TNFRSF13B: variants seen among roughly 807,000 people sequenced by gnomAD.
TNFRSF13B encodes tumor necrosis factor receptor superfamily member 13B.
In TNFRSF13B, 34 loss-of-function variants were observed where a neutral mutation model predicts 24.0. That is an observed-to-expected ratio of 1.41 (90% CI 1.08 to 1.88). The LOEUF (loss-of-function observed/expected upper bound fraction) is 1.88, where lower values mean the gene tolerates loss of function less well. Among genes scored for constraint, TNFRSF13B ranks in the 40% most tolerant of loss-of-function variants. The pLI is 0.00. For missense variants in TNFRSF13B, 415 were observed against 380.8 expected (o/e 1.09, Z -0.75); for synonymous variants, 173 against 150.3 (o/e 1.15, Z -1.10).
At chr17:16,946,831 G>A (rs558545817) in intron 3 of TNFRSF13B, among the ~76,000 whole-genome samples, 3 of 151,992 alleles carry the variant, frequency 2.0e-5, no homozygotes, top group Non-Finnish European at 4.4e-5. Context: ...CAAGTGATCC[G>A]CCTGCCTCTG....
In TNFRSF13B at chr17:16,972,071, C is replaced by T. The variant is rs2087749412; in HGVS notation, c.5G>A (p.Ser2Asn). 1 of 1,614,022 alleles carries T rather than the reference C, an allele frequency of 6.2e-7. No individual in the cohort carries two copies. Among genetic ancestry groups the T allele is most frequent in the African/African-American group, 1.3e-5 (1 of 75,066 alleles). ...ACCTCGCCTGCTCCGGCCCAGGCCA[C>T]TCATTACTCAGGATGCTTATTACTA... M[S>N]GLGRSRRGGR... is the part of the protein sequence containing the mutation. The change falls in exon 1 of 5, where the codon AGT becomes AAT. Residue 2 changes from serine to asparagine, a missense_variant. Ser to Asn is a conservative substitution (Grantham distance 46, BLOSUM62 1). Transcript: ENST00000261652.
At position 16,952,548 on chromosome 17, in the gene TNFRSF13B, A is replaced by ATC. The variant is rs1303637368; in HGVS notation, c.95_96dup (p.Ser33AspfsTer52). The ATC allele has an allele frequency of 1.9e-6, 3 of 1,614,092 alleles. No individual in the cohort carries two copies. Among genetic ancestry groups the ATC allele is most frequent in the Non-Finnish European group, 2.5e-6 (3 of 1,180,028 alleles). Reference sequence around the variant, plus strand: ...TCCCAGTACTGCTCTTCGGGGCAGGATCTCATAGCCACCCCCGTCCACAGG... The same window carrying ATC: ...TCCCAGTACTGCTCTTCGGGGCAGGATCTCTCATAGCCACCCCCGTCCACAGG... On this transcript the variant is annotated frameshift_variant, in exon 2 of 5. Coordinates refer to ENST00000261652, the MANE Select transcript of TNFRSF13B (RefSeq NM_012452.3). LOFTEE classifies it high-confidence loss of function.
chr17:16,952,486 A>G lies in TNFRSF13B; in HGVS notation c.159T>C (p.Ile53=). Residue 53 remains isoleucine (I), a synonymous_variant, in exon 2 of 5, where the codon ATT becomes ATC. Coordinates refer to ENST00000261652, the MANE Select transcript of TNFRSF13B (RefSeq NM_012452.3). ...LLGTCMSCKT[I]CNHQSQRTCA... is the part of the protein sequence containing the mutation. Reference sequence around the variant, plus strand: ...AGGTGCGCTGGCTCTGATGGTTGCAAATGGTTTTGCAGGACATGCAGGTAC... The same window carrying G: ...AGGTGCGCTGGCTCTGATGGTTGCAGATGGTTTTGCAGGACATGCAGGTAC... 6.2e-7 allele frequency: 1 copy of G among 1,614,166 alleles called. No individual in the cohort carries two copies. Among genetic ancestry groups the G allele is most frequent in the South Asian group, 1.1e-5 (1 of 91,080 alleles).
At chr17:16,955,523 A>G (rs2087618633) in intron 1 of TNFRSF13B, among the ~76,000 whole-genome samples, 1 of 152,224 alleles carries the variant, frequency 6.6e-6, no homozygotes, top group Non-Finnish European at 1.5e-5. Flanking sequence ...GAGACAAAAG[A>G]TAGGAGATTA....
At chr17:16,946,933 T>C (rs1433135045) in intron 3 of TNFRSF13B, among the ~76,000 whole-genome samples, 2 of 152,236 alleles carry the variant, frequency 1.3e-5, no homozygotes, top group Non-Finnish European at 2.9e-5. Flanking sequence ...GTTAATGAAC[T>C]ACTTAAACAT....
At chr17:16,954,429 G>A (rs1654079297) in intron 1 of TNFRSF13B, among the ~76,000 whole-genome samples, 1 of 152,144 alleles carries the variant, frequency 6.6e-6, no homozygotes. Context: ...ATTTAACACG[G>A]CAGCTTAAAC....
At chr17:16,967,770 A>AAAAAAAAAAAAAAAAAAAAAG (rs1567657178) in intron 1 of TNFRSF13B, among the ~76,000 whole-genome samples, 1 of 146,606 alleles carries the variant, frequency 6.8e-6, no homozygotes, top group African/African-American at 2.6e-5. Context: ...AAAAAAAAAA[A>AAAAAAAAAAAAAAAAAAAAAG]AAGAAAGAAA....
intron 3 of TNFRSF13B, among the ~76,000 whole-genome samples, chr17:16,943,583 C>A (rs1269040583): frequency 6.6e-6 from 1 of 152,194 alleles, no homozygotes; most frequent in Non-Finnish European, 1.5e-5. Context: ...ACAGAGAGCT[C>A]TCCCCACAGC....
At chr17:16,958,825 GAC>G (rs2087642514) in intron 1 of TNFRSF13B, among the ~76,000 whole-genome samples, 2 of 151,942 alleles carry the variant, frequency 1.3e-5, no homozygotes, top group African/African-American at 4.8e-5. Flanking sequence ...AACAAAAATT[GAC>G]AGAGTTGAAG....
chr17:16,939,951 C>T, intron 4 of TNFRSF13B, 154 bp from the exon 5 acceptor site: 1 of 1,165,718 alleles, frequency 8.6e-7, no homozygotes, highest in Non-Finnish European at 1.2e-6. Flanking sequence ...CCGCCAGTTG[C>T]TGACCAGAAC....
At position 16,948,929 on chromosome 17, in the gene TNFRSF13B, T is replaced by C. The variant is rs1170456533; in HGVS notation, c.254A>G (p.Asp85Gly). 6.2e-7 allele frequency: 1 copy of C among 1,614,070 alleles called. No individual in the cohort carries two copies. Among genetic ancestry groups the C allele is most frequent in the African/African-American group, 1.3e-5 (1 of 74,918 alleles). ...ACAGATGGAGGCACAGCTGATGCAG[T>C]CCCTCAGGAGATGGTCATAGAACTT... ...QGKFYDHLLRDCISCASICGQ... is the reference protein window; with the variant it reads ...QGKFYDHLLRGCISCASICGQ... Residue 85 changes from aspartate (D) to glycine (G), a missense_variant, in exon 3 of 5, where the codon GAC becomes GGC. Physicochemically the swap from Asp to Gly is moderately conservative, Grantham distance 94 (BLOSUM62 -1). Transcript: ENST00000261652.
rs746052120 is a variant in TNFRSF13B, at chr17:16,972,047, C to T, written c.29G>A (p.Gly10Asp). Residue 10 changes from glycine (G) to aspartate (D), a missense_variant, in exon 1 of 5, where the codon GGT becomes GAT. Physicochemically the swap from Gly to Asp is moderately conservative, Grantham distance 94. Coordinates refer to ENST00000261652, the MANE Select transcript of TNFRSF13B (RefSeq NM_012452.3). ...CTCCTGGTCCACACGGCTCCGGCCA[C>T]CTCGCCTGCTCCGGCCCAGGCCACT... MSGLGRSRR[G>D]GRSRVDQEER... is the part of the protein sequence containing the mutation. The T allele has an allele frequency of 1.2e-6, 2 of 1,614,124 alleles. No homozygotes were observed. The highest frequency in any genetic ancestry group is 4.5e-5 in the East Asian group (2 of 44,888).
intron 1 of TNFRSF13B, among the ~76,000 whole-genome samples, chr17:16,970,680 C>T (rs1015207586): frequency 2.0e-5 from 3 of 152,088 alleles, no homozygotes; most frequent in Non-Finnish European, 4.4e-5. Flanking sequence ...AGTGGACAAC[C>T]GGCCAGGGCT....
chr17:16,954,298 C>T (rs1005651821), intron 1 of TNFRSF13B, among the ~76,000 whole-genome samples: 2 of 152,022 alleles, frequency 1.3e-5, no homozygotes, highest in African/African-American at 4.8e-5. Context: ...ACAGGAGGAT[C>T]GCTTGAGCCT....
chr17:16,971,981 A>ACCTGCACT, intron 1 of TNFRSF13B, 34 bp downstream of exon 1: 2 of 1,612,330 alleles, frequency 1.2e-6, no homozygotes, highest in Non-Finnish European at 1.7e-6. Flanking sequence ...CACACCTCCC[A>ACCTGCACT]CCTGCCCTCC....
intron 1 of TNFRSF13B, among the ~76,000 whole-genome samples, chr17:16,954,534 C>T (rs1302187749): frequency 6.6e-6 from 1 of 152,234 alleles, no homozygotes; most frequent in Non-Finnish European, 1.5e-5. Flanking sequence ...GAGGTTTCTA[C>T]AGCAAAGAAC....
At chr17:16,960,420 A>G (rs12051899) in intron 1 of TNFRSF13B, among the ~76,000 whole-genome samples, 18,940 of 152,186 alleles carry the variant, frequency 0.12, 1,284 homozygotes, top group East Asian at 0.22. Context: ...AAATAGAAGT[A>G]TCCACAGTGG....
At chr17:16,956,862 G>A (rs899679271) in intron 1 of TNFRSF13B, among the ~76,000 whole-genome samples, 1 of 152,190 alleles carries the variant, frequency 6.6e-6, no homozygotes, top group Non-Finnish European at 1.5e-5. Flanking sequence ...TGGAGGATGG[G>A]AGGGATGAGT....
chr17:16,940,747 G>A, intron 3 of TNFRSF13B: 1 of 1,427,048 alleles, frequency 7.0e-7, no homozygotes, highest in South Asian at 1.5e-5. Flanking sequence ...ACGTGAGCTA[G>A]GCCTTCTTGT....
Sources: gnomAD v4.1 joint callset for allele counts (sites outside exome capture counted in the v4.1 genomes callset) on GRCh38, gnomAD v4.1.1 for gene constraint, MANE v1.5 for transcripts, NCBI Gene and HGNC (gene_info 2026-07-23, HGNC 2026-07-21) for gene names.